Variants in TRAPPC9 observed in about 807,000 individuals in gnomAD.
The protein encoded by TRAPPC9 is trafficking protein particle complex subunit 9.
TRAPPC9 carries 83 observed loss-of-function variants against 124.0 expected under a neutral mutation model. The observed-to-expected ratio is 0.67, with a 90% CI of 0.56 to 0.80. The LOEUF (loss-of-function observed/expected upper bound fraction) is 0.80, where lower values mean the gene tolerates loss of function less well. Among genes scored for constraint, TRAPPC9 ranks in the 30% least tolerant of loss-of-function variants. TRAPPC9 has a pLI of 0.00. For synonymous variants in TRAPPC9, 638 were observed against 617.5 expected (o/e 1.03, Z -0.49); for missense variants, 1,302 against 1,508.3 (o/e 0.86, Z 2.27).
intron 20 of TRAPPC9, among the ~76,000 whole-genome samples, chr8:139,898,101 G>A (rs1283976347): frequency 1.3e-5 from 2 of 152,248 alleles, no homozygotes; most frequent in Non-Finnish European, 2.9e-5. Flanking sequence ...ATAACTCCAG[G>A]AGTAAGTGGC....
chr8:139,932,882 TC>T (rs1380309271), intron 19 of TRAPPC9: 8 of 240,892 alleles, frequency 3.3e-5, no homozygotes, highest in Non-Finnish European at 4.9e-5. Flanking sequence ...TTAGGAATAG[TC>T]TGTTACCACA....
chr8:140,142,172 T>C (rs1293368447), intron 17 of TRAPPC9, among the ~76,000 whole-genome samples: 1 of 152,206 alleles, frequency 6.6e-6, no homozygotes, highest in Non-Finnish European at 1.5e-5. Context: ...TGCCTAAAAA[T>C]AGCTCCCCAC....
intron 17 of TRAPPC9, among the ~76,000 whole-genome samples, chr8:140,198,158 C>CA (rs2062710603): frequency 6.6e-6 from 1 of 152,192 alleles, no homozygotes; most frequent in East Asian, 1.9e-4. Flanking sequence ...TTCTAACCTC[C>CA]AAGCTGTCCT....
Position 140,149,544 on chromosome 8 carries a change from C to A in TRAPPC9, c.2556+71915G>T, listed in dbSNP as rs185681135. Reference sequence around the variant, plus strand: ...CTGAGGCAGGAGAATCACTTGAGCCCAGGAGGCGGAGGTAGTGGTGAGCTG... The same window carrying A: ...CTGAGGCAGGAGAATCACTTGAGCCAAGGAGGCGGAGGTAGTGGTGAGCTG... On this transcript the variant is annotated intron_variant, in intron 17 of 22. Coordinates refer to ENST00000438773, the MANE Select transcript of TRAPPC9 (RefSeq NM_001160372.4). 3.1e-3 allele frequency among the ~76,000 whole-genome samples: 474 copies of A among 151,426 alleles called. 2 individuals carry two copies. The highest frequency in any genetic ancestry group is 0.011 in the African/African-American group (455 of 41,208).
chr8:140,165,797 C>T (rs983038533), intron 17 of TRAPPC9, among the ~76,000 whole-genome samples: 8 of 152,078 alleles, frequency 5.3e-5, no homozygotes, highest in Non-Finnish European at 1.0e-4. Context: ...CTGCCCGGAG[C>T]CCAGGTTATC....
In TRAPPC9 at chr8:139,780,420, A is replaced by G. The variant is rs1384935455; in HGVS notation, c.3056-48218T>C. ...CTGACAAAGGAAGAAAGGCACTAAA[A>G]CAGAGAAAATATAGCCTTTTAAACA... On this transcript the variant is annotated intron_variant, in intron 21 of 22. Transcript: ENST00000438773. 2.0e-5 allele frequency among the ~76,000 whole-genome samples: 3 copies of G among 152,220 alleles called. No homozygotes were observed. The East Asian group carries it at 5.8e-4, about 29-fold the overall frequency.
intron 16 of TRAPPC9, among the ~76,000 whole-genome samples, chr8:140,246,751 G>T (rs567911878): frequency 6.6e-6 from 1 of 152,140 alleles, no homozygotes. Context: ...TTGGGAGGCC[G>T]AGGCGGGCGG....
chr8:140,307,545 C>T (rs983793740), intron 10 of TRAPPC9, among the ~76,000 whole-genome samples: 3 of 152,120 alleles, frequency 2.0e-5, no homozygotes, highest in African/African-American at 4.8e-5. Context: ...GTTCCATAAG[C>T]GCTACAGAAG....
At chr8:139,822,729 A>AC (rs1825336872) in intron 21 of TRAPPC9, among the ~76,000 whole-genome samples, 1 of 152,190 alleles carries the variant, frequency 6.6e-6, no homozygotes, top group Non-Finnish European at 1.5e-5. Flanking sequence ...CCTGCCGCTG[A>AC]CACATGGAGT....
chr8:139,898,798 G>C (rs1044573782), intron 20 of TRAPPC9, among the ~76,000 whole-genome samples: 1 of 152,054 alleles, frequency 6.6e-6, no homozygotes, highest in African/African-American at 2.4e-5. Flanking sequence ...TAAAAATCTG[G>C]CTTGAAGAGA....
chr8:140,210,794 G>A (rs1161223629), intron 17 of TRAPPC9, among the ~76,000 whole-genome samples: 1 of 152,126 alleles, frequency 6.6e-6, no homozygotes, highest in Non-Finnish European at 1.5e-5. Context: ...GATTTTCAAG[G>A]GCAGAAGCAT....
intron 21 of TRAPPC9, among the ~76,000 whole-genome samples, chr8:139,784,123 G>A (rs955104838): frequency 3.3e-5 from 5 of 152,134 alleles, no homozygotes; most frequent in Non-Finnish European, 7.3e-5. Flanking sequence ...CACTGCACTG[G>A]AAGTACTAGG....
chr8:140,058,847 G>A (rs1842428889), intron 17 of TRAPPC9, among the ~76,000 whole-genome samples: 1 of 152,172 alleles, frequency 6.6e-6, no homozygotes, highest in Non-Finnish European at 1.5e-5. Flanking sequence ...AAAGAGCTGG[G>A]AGCCGAGTCA....
At chr8:140,411,419 G>A (rs1452971859) in intron 5 of TRAPPC9, among the ~76,000 whole-genome samples, 1 of 152,170 alleles carries the variant, frequency 6.6e-6, no homozygotes, top group Non-Finnish European at 1.5e-5. Flanking sequence ...TTGGCTCACT[G>A]CAACCTCCGC....
chr8:140,357,422 G>A (rs908202805), intron 9 of TRAPPC9, among the ~76,000 whole-genome samples: 1 of 152,158 alleles, frequency 6.6e-6, no homozygotes, highest in Non-Finnish European at 1.5e-5. Context: ...GCTTACTGAG[G>A]TGAGGTATGT....
chr8:140,059,873 CATT>C (rs1031554042), intron 17 of TRAPPC9, among the ~76,000 whole-genome samples: 41 of 152,306 alleles, frequency 2.7e-4, no homozygotes, highest in African/African-American at 9.1e-4. Flanking sequence ...CTCCTTTCCT[CATT>C]ATATTTATGA....
At chr8:140,011,670 ATTTTTTTTTTTTTTT>A (rs56884853) in intron 18 of TRAPPC9, among the ~76,000 whole-genome samples, 2,854 of 62,720 alleles carry the variant, frequency 0.046, 99 homozygotes, top group African/African-American at 0.12. Context: ...CACCCAGCTA[ATTTTTTTTTTTTTTT>A]TTTTTTTTTT....
chr8:139,974,267 C>A (rs1836294857), intron 19 of TRAPPC9, among the ~76,000 whole-genome samples: 1 of 152,194 alleles, frequency 6.6e-6, no homozygotes, highest in African/African-American at 2.4e-5. Context: ...ACAGACAACA[C>A]AACAGAAAAT....
chr8:140,123,103 T>C (rs1285496735), intron 17 of TRAPPC9, among the ~76,000 whole-genome samples: 1 of 152,170 alleles, frequency 6.6e-6, no homozygotes, highest in Admixed American at 6.5e-5. Context: ...ACCACATTTC[T>C]TACTTACCCC....
Sources: allele counts gnomAD v4.1 joint callset (sites outside exome capture counted in the v4.1 genomes callset), GRCh38; gene constraint gnomAD v4.1.1; transcripts MANE v1.5; gene names NCBI Gene and HGNC (gene_info 2026-07-23, HGNC 2026-07-21).